PTPRM: variants seen among roughly 807,000 people sequenced by gnomAD.
The protein encoded by PTPRM is receptor-type tyrosine-protein phosphatase mu.
PTPRM carries 47 observed loss-of-function variants against 186.7 expected under a neutral mutation model. The ratio of observed to expected loss-of-function variants is 0.25; its 90% confidence interval spans 0.20 to 0.32. The LOEUF (loss-of-function observed/expected upper bound fraction) is 0.32, where lower values mean the gene tolerates loss of function less well. Ranked by LOEUF, PTPRM falls within the 10% of genes least tolerant of loss-of-function variation. The pLI is 1.00. For synonymous variants in PTPRM, 668 were observed against 674.9 expected, an observed-to-expected ratio of 0.99 and a Z score of 0.16; for missense variants, 1,494 against 1,865.0, an observed-to-expected ratio of 0.80 and a Z score of 3.66.
At position 8,376,565 on chromosome 18, in the gene PTPRM, C is replaced by T. The variant is rs2095696533; in HGVS notation, c.3430C>T (p.Arg1144Trp). The change falls in exon 26 of 33, where the codon CGG (arginine) becomes TGG (tryptophan). Residue 1144 changes from arginine to tryptophan, a missense_variant. Physicochemically the swap from Arg to Trp is moderately radical, Grantham distance 101. This residue lies in a region of PTPRM where 1,107 missense variants were observed against 1,350.2 expected (regional missense o/e 0.82). Transcript: ENST00000580170. ...VDIYNCVREL[R>W]SRRVNMVQTE... ...CATCTACAACTGCGTCAGGGAGCTGCGGTCACGGAGGGTGAACATGGTGCA... is the reference window on the plus strand; with the variant it reads ...CATCTACAACTGCGTCAGGGAGCTGTGGTCACGGAGGGTGAACATGGTGCA... The T allele has an allele frequency of 2.5e-6, 4 of 1,613,766 alleles. No homozygotes were observed. The highest frequency in any genetic ancestry group is 3.4e-6 in the Non-Finnish European group (4 of 1,179,956).
chr18:7,758,737 T>C (rs192841719), intron 1 of PTPRM, among the ~76,000 whole-genome samples: 484 of 152,322 alleles, frequency 3.2e-3, no homozygotes, highest in Non-Finnish European at 4.1e-3. Context: ...TAAGGTCTTA[T>C]CTGTATTTCT....
At chr18:7,643,556 G>A (rs1478349199) in intron 1 of PTPRM, among the ~76,000 whole-genome samples, 6 of 152,072 alleles carry the variant, frequency 3.9e-5, no homozygotes, top group Admixed American at 1.3e-4. Context: ...TAGCCAGGAT[G>A]GTCTCGATCT....
At chr18:8,363,060 C>G (rs2095606444) in intron 23 of PTPRM, among the ~76,000 whole-genome samples, 1 of 152,220 alleles carries the variant, frequency 6.6e-6, no homozygotes, top group Non-Finnish European at 1.5e-5. Flanking sequence ...AGTCCGGGCT[C>G]TGCTTGTCAT....
chr18:7,975,449 G>T (rs1418298775), intron 7 of PTPRM, among the ~76,000 whole-genome samples: 1 of 152,182 alleles, frequency 6.6e-6, no homozygotes, highest in Non-Finnish European at 1.5e-5. Flanking sequence ...AAGCCATGAA[G>T]AGACACAGAG....
chr18:8,086,047 T>C (rs570115966), intron 10 of PTPRM, among the ~76,000 whole-genome samples, 175 bp downstream of exon 10: 105 of 152,242 alleles, frequency 6.9e-4, no homozygotes, highest in African/African-American at 2.4e-3. Context: ...ATATTTCTCA[T>C]TTGGGAGCTT....
At chr18:8,224,966 C>T (rs1359190214) in intron 14 of PTPRM, among the ~76,000 whole-genome samples, 3 of 152,282 alleles carry the variant, frequency 2.0e-5, no homozygotes, top group Non-Finnish European at 2.9e-5. Context: ...ACTTGATTAG[C>T]GAGTTGCAGT....
chr18:7,842,878 T>G (rs1455831629), intron 2 of PTPRM, among the ~76,000 whole-genome samples: 1 of 83,644 alleles, frequency 1.2e-5, no homozygotes, highest in Non-Finnish European at 2.3e-5. Flanking sequence ...ATATATATGT[T>G]TCTCGTGTGT....
At chr18:8,119,913 T>A (rs1453646172) in intron 13 of PTPRM, among the ~76,000 whole-genome samples, 1 of 152,172 alleles carries the variant, frequency 6.6e-6, no homozygotes, top group Non-Finnish European at 1.5e-5. Context: ...TATCTGGAGC[T>A]GATAAATCCT....
At chr18:8,162,057 T>C (rs1231624442) in intron 14 of PTPRM, among the ~76,000 whole-genome samples, 1 of 152,170 alleles carries the variant, frequency 6.6e-6, no homozygotes, top group Non-Finnish European at 1.5e-5. Flanking sequence ...TCTGTTAGAA[T>C]ACTTTTTCTC....
intron 2 of PTPRM, among the ~76,000 whole-genome samples, chr18:7,842,638 GAC>G (rs1358987165): frequency 6.6e-6 from 1 of 151,966 alleles, no homozygotes; most frequent in Non-Finnish European, 1.5e-5. Context: ...TTAGAAAAGA[GAC>G]AGAGTTTTCC....
chr18:7,887,728 AAC>A (rs1329174744), intron 2 of PTPRM, among the ~76,000 whole-genome samples: 5 of 152,216 alleles, frequency 3.3e-5, no homozygotes, highest in Non-Finnish European at 7.3e-5. Flanking sequence ...GAGCACTTGA[AAC>A]ACAGTTGGTG....
At chr18:8,334,782 G>A (rs1266355731) in intron 22 of PTPRM, among the ~76,000 whole-genome samples, 1 of 152,118 alleles carries the variant, frequency 6.6e-6, no homozygotes, top group South Asian at 2.1e-4. Flanking sequence ...TCTGGACACT[G>A]GCGTCTGTCC....
At chr18:7,671,505 G>A (rs1398063486) in intron 1 of PTPRM, among the ~76,000 whole-genome samples, 1 of 152,110 alleles carries the variant, frequency 6.6e-6, no homozygotes, top group African/African-American at 2.4e-5. Context: ...TAATTTAACT[G>A]AAATTAGGTT....
intron 1 of PTPRM, among the ~76,000 whole-genome samples, chr18:7,757,809 A>G (rs1418268276): frequency 6.6e-6 from 1 of 152,122 alleles, no homozygotes; most frequent in Non-Finnish European, 1.5e-5. Context: ...GTCTGAGCTT[A>G]ATGTGCATGG....
At chr18:7,982,537 A>G (rs1297499218) in intron 7 of PTPRM, among the ~76,000 whole-genome samples, 2 of 150,604 alleles carry the variant, frequency 1.3e-5, no homozygotes, top group South Asian at 2.1e-4. Context: ...TTTTTTTAGT[A>G]TAAGTAGAAT....
intron 14 of PTPRM, among the ~76,000 whole-genome samples, chr18:8,176,929 T>C (rs2093492243): frequency 6.6e-6 from 1 of 152,248 alleles, no homozygotes; most frequent in Non-Finnish European, 1.5e-5. Context: ...GTGGATCAGA[T>C]TGAGCAGAAA....
intron 11 of PTPRM, among the ~76,000 whole-genome samples, chr18:8,095,565 A>AT (rs1371148490): frequency 6.6e-6 from 1 of 152,068 alleles, no homozygotes; most frequent in Non-Finnish European, 1.5e-5. Context: ...CAGGGAAAAA[A>AT]TGTAAGGAAG....
rs116388226 is a variant in PTPRM, at chr18:8,406,419, G to A, written c.*257G>A. ...CTTGCCACCGGCTTCCTAGAGCAGC[G>A]TAGACAGCTGGTAAACTGAAGAGCA... On this transcript the variant is annotated 3_prime_UTR_variant, in exon 33 of 33. Transcript: ENST00000580170. The A allele has an allele frequency of 9.9e-3, 4,710 of 477,302 alleles. 193 individuals carry two copies. The highest frequency in any genetic ancestry group is 0.08 in the African/African-American group (4,080 of 50,898). The allele number at this position is 477,302 out of a possible 1,614,324, so 29.6% of individuals were successfully genotyped here. A position where few individuals can be genotyped will look rare whatever the true frequency, so the allele number is the denominator to read the frequency against.
intron 7 of PTPRM, among the ~76,000 whole-genome samples, chr18:8,009,439 G>A (rs1384803511): frequency 1.3e-5 from 2 of 152,124 alleles, no homozygotes; most frequent in African/African-American, 4.8e-5. Flanking sequence ...GCCGAGCGCG[G>A]TGGCCCATGC....
Sources: allele counts gnomAD v4.1 joint callset (sites outside exome capture counted in the v4.1 genomes callset), GRCh38; gene constraint gnomAD v4.1.1; regional missense constraint gnomAD v4.1.1; transcripts MANE v1.5; gene names NCBI Gene and HGNC (gene_info 2026-07-23, HGNC 2026-07-21).